RNF125: variants seen among roughly 807,000 people sequenced by gnomAD.
RNF125 encodes the protein E3 ubiquitin-protein ligase RNF125.
A neutral mutation model predicts 26.0 loss-of-function variants in RNF125; 21 were observed. The ratio of observed to expected loss-of-function variants is 0.81; its 90% confidence interval spans 0.57 to 1.16. The LOEUF (loss-of-function observed/expected upper bound fraction) is 1.16. Among genes scored for constraint, RNF125 ranks in the 50% most tolerant of loss-of-function variants. The pLI is 0.00. For synonymous variants in RNF125, 95 were observed against 109.2 expected, an observed-to-expected ratio of 0.87 and a Z score of 0.81; for missense variants, 270 against 299.4, an observed-to-expected ratio of 0.90 and a Z score of 0.72.
chr18:32,033,403 A>G (rs1598811349), intron 1 of RNF125, among the ~76,000 whole-genome samples: 3 of 152,026 alleles, frequency 2.0e-5, no homozygotes, highest in Admixed American at 2.0e-4. Flanking sequence ...TGGCACATGC[A>G]TGTAATCCCA....
the RNF125 span, among the ~76,000 whole-genome samples, chr18:32,081,891 G>A: frequency 1.4e-4 from 22 of 152,126 alleles, no homozygotes; most frequent in Admixed American, 1.4e-3. Flanking sequence ...GATGTGAGTA[G>A]AAAAAAGGAA....
At chr18:32,067,645 G>A (rs902739730) in intron 5 of RNF125, among the ~76,000 whole-genome samples, 3 of 152,302 alleles carry the variant, frequency 2.0e-5, no homozygotes, top group Middle Eastern at 3.4e-3. Flanking sequence ...CCAGTATCAA[G>A]ACCAAACCTT....
intron 4 of RNF125, 122 bp from the exon 5 acceptor site, chr18:32,065,780 C>T (rs2039479130): frequency 1.5e-6 from 1 of 667,920 alleles, no homozygotes; most frequent in East Asian, 2.6e-5. Flanking sequence ...ATCCGGCCGC[C>T]TCTGCCTCCC....
chr18:32,025,064 A>C (rs2039020404), intron 1 of RNF125, among the ~76,000 whole-genome samples: 1 of 152,048 alleles, frequency 6.6e-6, no homozygotes, highest in African/African-American at 2.4e-5. Flanking sequence ...AGTCGTTCTC[A>C]AAAAAACAAA....
intron 4 of RNF125, among the ~76,000 whole-genome samples, chr18:32,049,419 TAAA>T (rs1250174960): frequency 6.6e-6 from 1 of 152,176 alleles, no homozygotes; most frequent in African/African-American, 2.4e-5. Context: ...AGGCATATAA[TAAA>T]GTAAGCACTC....
chr18:32,082,085 TCTTGGCTCC>T, the RNF125 span, among the ~76,000 whole-genome samples: 2 of 152,148 alleles, frequency 1.3e-5, no homozygotes, highest in Non-Finnish European at 1.5e-5. Context: ...GTTTGGGGAA[TCTTGGCTCC>T]CTGAGCTACA....
intron 3 of RNF125, among the ~76,000 whole-genome samples, chr18:32,045,234 C>T (rs2039257119): frequency 6.6e-6 from 1 of 152,076 alleles, no homozygotes; most frequent in African/African-American, 2.4e-5. Flanking sequence ...CAAGATGTGT[C>T]CACTGGGCAC....
chr18:32,023,383 G>GC (rs1402721208), intron 1 of RNF125, among the ~76,000 whole-genome samples: 1 of 152,112 alleles, frequency 6.6e-6, no homozygotes, highest in African/African-American at 2.4e-5. Context: ...GAACCCCTGA[G>GC]CTCAGGTGAT....
chr18:32,032,205 T>C (rs2039104119), intron 1 of RNF125, among the ~76,000 whole-genome samples: 1 of 151,992 alleles, frequency 6.6e-6, no homozygotes, highest in Non-Finnish European at 1.5e-5. Flanking sequence ...GCCTCCCGAG[T>C]AGCTGGGATT....
chr18:32,022,885 AAAG>A (rs1316307118), intron 1 of RNF125, among the ~76,000 whole-genome samples: 2 of 152,260 alleles, frequency 1.3e-5, no homozygotes, highest in African/African-American at 4.8e-5. Flanking sequence ...GGAATATATC[AAAG>A]AAGTACATTT....
the RNF125 span, among the ~76,000 whole-genome samples, chr18:32,085,024 A>G: frequency 6.6e-6 from 1 of 152,202 alleles, no homozygotes; most frequent in South Asian, 2.1e-4. Flanking sequence ...AGAGAATTTA[A>G]GCTTACAATG....
At chr18:32,027,065 T>C (rs2039043910) in intron 1 of RNF125, among the ~76,000 whole-genome samples, 1 of 152,202 alleles carries the variant, frequency 6.6e-6, no homozygotes, top group African/African-American at 2.4e-5. Context: ...CAAATATAAA[T>C]TCAAAACAAT....
At chr18:32,085,719 A>AAG in the RNF125 span, among the ~76,000 whole-genome samples, 1 of 150,280 alleles carries the variant, frequency 6.7e-6, no homozygotes, top group Admixed American at 6.6e-5. Flanking sequence ...AAAAAAAAAA[A>AAG]AAAAAGAGAG....
chr18:32,059,770 A>C (rs2039418038), intron 4 of RNF125, among the ~76,000 whole-genome samples: 1 of 151,500 alleles, frequency 6.6e-6, no homozygotes, highest in Non-Finnish European at 1.5e-5. Context: ...TCAAGTTTTT[A>C]ATCCATTTTG....
chr18:32,076,137 A>G, downstream of RNF125: 1 of 587,626 alleles, frequency 1.7e-6, no homozygotes, highest in Non-Finnish European at 3.1e-6. Context: ...TCGCCAATGT[A>G]ACCATGCTTC....
chr18:32,025,662 C>T (rs1382302656), intron 1 of RNF125, among the ~76,000 whole-genome samples: 1 of 102,200 alleles, frequency 9.8e-6, no homozygotes, highest in Non-Finnish European at 1.8e-5. Context: ...GAAACTCTGT[C>T]TCAAAAAAAA....
rs1339677063 is a variant in RNF125 at position 32,032,075 on chromosome 18, TTTTTG to T, written c.165-5025_165-5021del. ...CCACCACACCCAGCTAATTTTTGTA[TTTTTG>T]TTTTGTTTTGTTTTGAGACGGAGTC... On this transcript the variant is annotated intron_variant, in intron 1 of 5. Transcript: ENST00000217740. 4.0e-5 allele frequency among the ~76,000 whole-genome samples: 6 copies of T among 151,892 alleles called. No homozygotes were observed. In the East Asian group the frequency reaches 1.2e-3, roughly 29 times the overall value.
chr18:32,047,747 T>C (rs1248863439), intron 4 of RNF125, among the ~76,000 whole-genome samples: 1 of 152,192 alleles, frequency 6.6e-6, no homozygotes, highest in Non-Finnish European at 1.5e-5. Context: ...TAAAATCCTT[T>C]CAGAAAGTGG....
At chr18:32,059,444 C>T (rs1598824827) in intron 4 of RNF125, among the ~76,000 whole-genome samples, 1 of 152,098 alleles carries the variant, frequency 6.6e-6, no homozygotes, top group Non-Finnish European at 1.5e-5. Flanking sequence ...CTGTTTAAAT[C>T]GTTTGCCTGT....
Sources: allele counts gnomAD v4.1 joint callset (sites outside exome capture counted in the v4.1 genomes callset), GRCh38; gene constraint gnomAD v4.1.1; transcripts MANE v1.5; gene names NCBI Gene and HGNC (gene_info 2026-07-23, HGNC 2026-07-21).